Variants in TMEM71 observed in about 807,000 individuals in gnomAD.
TMEM71 encodes the protein transmembrane protein 71.
In TMEM71, 44 loss-of-function variants were observed where a neutral mutation model predicts 38.0. The ratio of observed to expected loss-of-function variants is 1.16; its 90% CI spans 0.91 to 1.49. TMEM71 has a LOEUF of 1.49. TMEM71 is among the 40% of genes most tolerant of loss of function. TMEM71 has a pLI of 0.00. For missense variants in TMEM71, 367 were observed against 348.6 expected, an observed-to-expected ratio of 1.05 and a Z score of -0.42; for synonymous variants, 133 against 122.5, an observed-to-expected ratio of 1.09 and a Z score of -0.56.
chr8:132,750,208 C>T (rs1005924040), intron 4 of TMEM71, among the ~76,000 whole-genome samples: 1 of 152,082 alleles, frequency 6.6e-6, no homozygotes, highest in African/African-American at 2.4e-5. Context: ...TGCTTCTTTT[C>T]ATTGAAATAG....
At chr8:132,716,010 G>C (rs1303980615) in intron 7 of TMEM71, among the ~76,000 whole-genome samples, 1 of 152,196 alleles carries the variant, frequency 6.6e-6, no homozygotes, top group East Asian at 1.9e-4. Context: ...GGGAGGCCTG[G>C]CCAGGGTTGT....
At chr8:132,754,360 C>T (rs1345747183) in intron 3 of TMEM71, among the ~76,000 whole-genome samples, 1 of 152,076 alleles carries the variant, frequency 6.6e-6, no homozygotes, top group Non-Finnish European at 1.5e-5. Flanking sequence ...TTTAGATGTA[C>T]CTTTCCTCTC....
At chr8:132,751,706 T>C in intron 4 of TMEM71, 79 bp downstream of exon 4, 1 of 1,365,128 alleles carries the variant, frequency 7.3e-7, no homozygotes, top group East Asian at 2.3e-5. Flanking sequence ...TAAAAGATAG[T>C]TGAGTGAATA....
At chr8:132,708,412 A>G (rs1161217454), downstream of TMEM71, among the ~76,000 whole-genome samples, 1 of 152,222 alleles carries the variant, frequency 6.6e-6, no homozygotes, top group Non-Finnish European at 1.5e-5. Context: ...ACAGCAACAC[A>G]CTTTATACAC....
chr8:132,761,863 G>A (rs1487658075), upstream of TMEM71, among the ~76,000 whole-genome samples: 1 of 152,156 alleles, frequency 6.6e-6, no homozygotes, highest in African/African-American at 2.4e-5. Flanking sequence ...AGCCAGTAAG[G>A]GTCTGATGCT....
chr8:132,747,588 C>T (rs1264814285), intron 4 of TMEM71, among the ~76,000 whole-genome samples: 1 of 152,168 alleles, frequency 6.6e-6, no homozygotes, highest in Non-Finnish European at 1.5e-5. Context: ...AGTCTGCCTC[C>T]ACGGTCTTTG....
intron 9 of TMEM71, among the ~76,000 whole-genome samples, chr8:132,713,521 G>A (rs551431838): frequency 6.6e-6 from 1 of 152,214 alleles, no homozygotes; most frequent in East Asian, 1.9e-4. Context: ...AATTCTATGG[G>A]CATCCCAACC....
the TMEM71 span, among the ~76,000 whole-genome samples, chr8:132,772,053 T>G: frequency 1.3e-5 from 2 of 152,206 alleles, no homozygotes; most frequent in African/African-American, 4.8e-5. Flanking sequence ...TAAAAAAAAC[T>G]TGAACTGCTT....
At chr8:132,711,175 C>T (rs1449764033) in intron 9 of TMEM71, among the ~76,000 whole-genome samples, 193 bp from the exon 10 acceptor site, 1 of 152,136 alleles carries the variant, frequency 6.6e-6, no homozygotes, top group East Asian at 1.9e-4. Context: ...GCTTTTATCC[C>T]AGCAGTTCTT....
chr8:132,770,278 A>G, the TMEM71 span, among the ~76,000 whole-genome samples: 1 of 152,206 alleles, frequency 6.6e-6, no homozygotes, highest in Admixed American at 6.5e-5. Flanking sequence ...GTTGAATATT[A>G]GTTATTTTGT....
chr8:132,705,929 G>A (rs1826089609), downstream of TMEM71, among the ~76,000 whole-genome samples: 1 of 152,168 alleles, frequency 6.6e-6, no homozygotes. Context: ...ATATGTTGAA[G>A]CTCTAATCCC....
upstream of TMEM71, among the ~76,000 whole-genome samples, chr8:132,765,430 T>G (rs1157626140): frequency 1.3e-5 from 2 of 152,146 alleles, no homozygotes; most frequent in African/African-American, 2.4e-5. Context: ...GCAGAAAGAA[T>G]GCCAGCTTCT....
At chr8:132,716,258 C>T (rs1177313584) in intron 7 of TMEM71, among the ~76,000 whole-genome samples, 2 of 152,214 alleles carry the variant, frequency 1.3e-5, no homozygotes, top group African/African-American at 4.8e-5. Context: ...TGTGGCTAGG[C>T]CCGGGTGCTA....
intron 5 of TMEM71, among the ~76,000 whole-genome samples, chr8:132,745,476 C>T (rs1374743135): frequency 6.6e-6 from 1 of 152,106 alleles, no homozygotes; most frequent in Non-Finnish European, 1.5e-5. Context: ...CAATGAGACA[C>T]TATATCACAC....
chr8:132,761,582 C>T (rs1586810345), upstream of TMEM71, among the ~76,000 whole-genome samples: 1 of 152,200 alleles, frequency 6.6e-6, no homozygotes, highest in South Asian at 2.1e-4. Context: ...AGAACATGTT[C>T]TAGGCAGCAG....
chr8:132,731,067 T>G (rs926137614), intron 5 of TMEM71, among the ~76,000 whole-genome samples: 1 of 152,236 alleles, frequency 6.6e-6, no homozygotes, highest in African/African-American at 2.4e-5. Context: ...ATTCTAATAC[T>G]AGTAACAGGG....
the TMEM71 span, among the ~76,000 whole-genome samples, chr8:132,770,708 C>T: frequency 3.9e-5 from 6 of 152,126 alleles, no homozygotes; most frequent in Non-Finnish European, 8.8e-5. Context: ...TCCCTTTTTG[C>T]TTAAGCCTGT....
In TMEM71 at chr8:132,746,881, AG is replaced by A; in HGVS notation, c.487+60del. The A allele has an allele frequency of 1.4e-6, 2 of 1,398,898 alleles. 1 individual carries two copies. The highest frequency in any genetic ancestry group is 3.1e-5 in the South Asian group (2 of 63,512). 86.7% of individuals were successfully genotyped at this position (1,398,898 alleles called of 1,614,324 possible). Reference sequence around the variant, plus strand: ...GGAACTGACATTGGTTGAGGACCACAGGGTTACCACTGCCCACTTGGAGATA... The same window carrying A: ...GGAACTGACATTGGTTGAGGACCACAGGTTACCACTGCCCACTTGGAGATA... On this transcript the variant is annotated intron_variant, in intron 5 of 9. Transcript: ENST00000677595.
chr8:132,715,100 A>G (rs945165036), intron 7 of TMEM71, among the ~76,000 whole-genome samples: 1 of 152,170 alleles, frequency 6.6e-6, no homozygotes, highest in Non-Finnish European at 1.5e-5. Context: ...ACTCTCATTC[A>G]TTGCAGTTAA....
Sources: allele counts gnomAD v4.1 joint callset (sites outside exome capture counted in the v4.1 genomes callset), GRCh38; gene constraint gnomAD v4.1.1; transcripts MANE v1.5; gene names NCBI Gene and HGNC (gene_info 2026-07-23, HGNC 2026-07-21).